GLG1: variants seen among roughly 807,000 people sequenced by gnomAD.
GLG1 encodes Golgi apparatus protein 1.
In GLG1, 38 loss-of-function variants were observed where a neutral mutation model predicts 160.5. The observed-to-expected ratio is 0.24, with a 90% CI of 0.18 to 0.31. The LOEUF (loss-of-function observed/expected upper bound fraction) is 0.31. GLG1 is among the 10% of genes least tolerant of loss of function. The pLI, the probability that GLG1 is intolerant of heterozygous loss-of-function variation, is 1.00. For synonymous variants in GLG1, 644 were observed against 543.4 expected (o/e 1.19, Z -2.57); for missense variants, 1,373 against 1,505.2 (o/e 0.91, Z 1.45).
At chr16:74,466,126 G>A (rs1465081168) in intron 18 of GLG1, among the ~76,000 whole-genome samples, 1 of 152,142 alleles carries the variant, frequency 6.6e-6, no homozygotes, top group African/African-American at 2.4e-5. Flanking sequence ...TTGGAGATAG[G>A]CTCTCTGCAT....
rs115891853 is a variant in GLG1 at position 74,560,544 on chromosome 16, T to C, written c.439-28391A>G. Among the ~76,000 whole-genome samples the C allele has an allele frequency of 5.7e-3, 862 of 152,176 alleles. 10 individuals carry two copies. The highest frequency in any genetic ancestry group is 0.02 in the African/African-American group (839 of 41,550). On this transcript the variant is annotated intron_variant, in intron 1 of 25. Transcript: ENST00000422840. Reference sequence around the variant, plus strand: ...ATTTTTGTAGAGATGGGTTTCAGCATGTTGGCCAGGATGGCCTTGAACTGA... The same window carrying C: ...ATTTTTGTAGAGATGGGTTTCAGCACGTTGGCCAGGATGGCCTTGAACTGA...
intron 1 of GLG1, among the ~76,000 whole-genome samples, chr16:74,571,387 G>T (rs563123702): frequency 2.6e-5 from 4 of 152,288 alleles, no homozygotes; most frequent in African/African-American, 9.6e-5. Context: ...GAGTCATTAA[G>T]TTTGGGACCG....
chr16:74,457,387 ACT>A (rs1460949109), intron 24 of GLG1, among the ~76,000 whole-genome samples: 1 of 152,050 alleles, frequency 6.6e-6, no homozygotes, highest in African/African-American at 2.4e-5. Flanking sequence ...ACAGAGTGAG[ACT>A]CTGTCTCAAA....
Position 74,567,815 on chromosome 16 carries a change from G to A in GLG1, c.439-35662C>T, listed in dbSNP as rs866878843. On this transcript the variant is annotated intron_variant, in intron 1 of 25. Transcript: ENST00000422840. ...GATCTCCTGACCTCATGATCCACCC[G>A]CCTCGGCCTCCCAAAGTGCTGGGAT... Among the ~76,000 whole-genome samples the A allele has an allele frequency of 1.8e-4, 27 of 151,692 alleles. 1 individual carries two copies. The highest frequency in any genetic ancestry group is 3.4e-3 in the Middle Eastern group (1 of 294).
At chr16:74,454,350 T>A (rs777027400) in intron 25 of GLG1, among the ~76,000 whole-genome samples, 26 of 151,802 alleles carry the variant, frequency 1.7e-4, no homozygotes, top group Non-Finnish European at 3.7e-4. Flanking sequence ...AGACTACAAG[T>A]GCACCACCAT....
At chr16:74,491,244 C>G (rs200215355) in intron 7 of GLG1, 29 bp from the exon 8 acceptor site, 1 of 1,489,306 alleles carries the variant, frequency 6.7e-7, no homozygotes, top group Non-Finnish European at 9.4e-7. Context: ...CATAACATTA[C>G]GAAGGGTGAT....
At chr16:74,468,015 A>G in intron 17 of GLG1, 167 bp from the exon 18 acceptor site, 1 of 575,222 alleles carries the variant, frequency 1.7e-6, no homozygotes, top group Non-Finnish European at 3.1e-6. Flanking sequence ...TCTGTCACCA[A>G]ATAGCTGCAT....
At chr16:74,485,723 C>T in intron 9 of GLG1, 73 bp downstream of exon 9, 1 of 1,411,854 alleles carries the variant, frequency 7.1e-7, no homozygotes, top group Non-Finnish European at 9.7e-7. Flanking sequence ...ACCCAAAAGT[C>T]ATTTGAAGGA....
intron 7 of GLG1, 39 bp downstream of exon 7, chr16:74,492,918 G>C: frequency 7.6e-7 from 1 of 1,318,834 alleles, no homozygotes; most frequent in Non-Finnish European, 1.0e-6. Flanking sequence ...ATCCAAAAAG[G>C]AACAGAAATG....
chr16:74,557,235 A>C (rs1015825518), intron 1 of GLG1, among the ~76,000 whole-genome samples: 13 of 152,214 alleles, frequency 8.5e-5, no homozygotes, highest in Admixed American at 7.9e-4. Context: ...ATGTTTCTAT[A>C]ACTATATATG....
At position 74,471,254 on chromosome 16, in the gene GLG1, G is replaced by A. The variant is rs1487389830; in HGVS notation, c.2148C>T (p.Asp716=). Residue 716 remains aspartate, a synonymous_variant, in exon 15 of 26, where the codon GAC becomes GAT. Coordinates refer to ENST00000422840, the MANE Select transcript of GLG1 (RefSeq NM_001145667.2). The part of the protein sequence containing the change: ...DVADNQIDSG[D]LMECLIQNKH... ...TGTTCTGTATCAGACACTCCATCAG[G>A]TCCCCAGAGTCTATCTGGTTATCTG... is the stretch of plus-strand genomic sequence containing the variant. 2.5e-6 allele frequency: 4 copies of A among 1,607,168 alleles called. No individual in the cohort carries two copies. Among genetic ancestry groups the A allele is most frequent in the Non-Finnish European group, 3.4e-6 (4 of 1,173,890 alleles).
intron 19 of GLG1, 92 bp downstream of exon 19, chr16:74,465,584 G>C: frequency 3.7e-6 from 5 of 1,335,948 alleles, no homozygotes; most frequent in African/African-American, 1.4e-5. Flanking sequence ...ACCACACTTT[G>C]AGAAAGCTGA....
chr16:74,493,032 C>T lies in GLG1; in HGVS notation c.1159G>A (p.Val387Met). 1.2e-6 allele frequency: 2 copies of T among 1,614,004 alleles called. No individual in the cohort carries two copies. Among genetic ancestry groups the T allele is most frequent in the Non-Finnish European group, 1.7e-6 (2 of 1,179,900 alleles). The change falls in exon 7 of 26, where the codon GTG becomes ATG. Residue 387 changes from valine (V) to methionine (M), a missense_variant. Coordinates refer to ENST00000422840, the MANE Select transcript of GLG1 (RefSeq NM_001145667.2). ...TCACGCGATCGCGGAAGGTTTTCCACATTGCACCGGTATTTCTTCAAGTCA... is the reference window on the plus strand; with the variant it reads ...TCACGCGATCGCGGAAGGTTTTCCATATTGCACCGGTATTTCTTCAAGTCA... ...KSDLKKYRCN[V>M]ENLPRSREAR...
intron 2 of GLG1, among the ~76,000 whole-genome samples, chr16:74,531,069 T>C (rs1012580856): frequency 4.6e-5 from 7 of 152,230 alleles, no homozygotes; most frequent in African/African-American, 7.2e-5. Flanking sequence ...GATGCAGATA[T>C]ATATTTTTAA....
chr16:74,494,068 G>C (rs1378225342), intron 6 of GLG1, among the ~76,000 whole-genome samples: 1 of 151,922 alleles, frequency 6.6e-6, no homozygotes, highest in African/African-American at 2.4e-5. Context: ...ATAGCTACTA[G>C]GGAGGCTGAG....
chr16:74,566,116 T>C (rs555912568), intron 1 of GLG1, among the ~76,000 whole-genome samples: 1 of 152,332 alleles, frequency 6.6e-6, no homozygotes, highest in Admixed American at 6.5e-5. Flanking sequence ...AAGGCATACA[T>C]GCTACAAACA....
chr16:74,475,013 C>T lies in GLG1; in HGVS notation c.1966-381G>A, dbSNP rs1451045990. Among the ~76,000 whole-genome samples the T allele has an allele frequency of 5.9e-5, 9 of 151,740 alleles. No homozygotes were observed. The East Asian group carries it at 9.7e-4, about 16-fold the overall frequency. ...CCCTACTAAAAATACAAAAATTACC[C>T]GGGTGTGGTGGTGGGTGCCTGTAAT... On this transcript the variant is annotated intron_variant, in intron 12 of 25. Transcript: ENST00000422840.
At chr16:74,497,057 T>G (rs1009007933) in intron 4 of GLG1, among the ~76,000 whole-genome samples, 4 of 151,988 alleles carry the variant, frequency 2.6e-5, no homozygotes, top group Non-Finnish European at 4.4e-5. Flanking sequence ...GGCAGGTGGA[T>G]CACCTGAGGT....
In GLG1 at chr16:74,590,056, G is replaced by C. The variant is rs190694049; in HGVS notation, c.438+16601C>G. On this transcript the variant is annotated intron_variant, in intron 1 of 25. Transcript: ENST00000422840. The stretch of plus-strand genomic sequence containing the variant: ...AGCTCTGTAGCCCAGGCTGGATGGA[G>C]TGCAGTGACACGATCTCTGCAAGCT... Among the ~76,000 whole-genome samples the C allele has an allele frequency of 1.8e-3, 269 of 152,188 alleles. 1 individual carries two copies. The highest frequency in any genetic ancestry group is 0.014 in the Admixed American group (217 of 15,282).
Sources: gnomAD v4.1 joint callset for allele counts (sites outside exome capture counted in the v4.1 genomes callset) on GRCh38, gnomAD v4.1.1 for gene constraint, MANE v1.5 for transcripts, NCBI Gene and HGNC (gene_info 2026-07-23, HGNC 2026-07-21) for gene names.